The following MEX3C variants were observed in gnomAD, a reference collection of about 807,000 sequenced individuals.
The protein encoded by MEX3C is RNA-binding E3 ubiquitin-protein ligase MEX3C.
Under a neutral mutation model 35.5 loss-of-function variants are expected in MEX3C, and 15 were observed. The ratio of observed to expected loss-of-function variants is 0.42; its 90% CI spans 0.28 to 0.65. The LOEUF is 0.65. MEX3C is among the 30% of genes least tolerant of loss of function. The probability of loss-of-function intolerance (pLI) is 0.20; values close to 1 mark genes in which losing one functional copy is unlikely to be tolerated. For synonymous variants in MEX3C, 390 were observed against 352.8 expected, an observed-to-expected ratio of 1.11 and a Z score of -1.18; for missense variants, 711 against 842.8, an observed-to-expected ratio of 0.84 and a Z score of 1.94.
intron 1 of MEX3C, among the ~76,000 whole-genome samples, chr18:51,185,722 T>G (rs1056634081): frequency 1.3e-5 from 2 of 152,044 alleles, no homozygotes; most frequent in African/African-American, 4.8e-5. Context: ...CAGGAAAGGT[T>G]TGAGGAATCA....
chr18:51,193,214 G>A (rs1912692781), intron 1 of MEX3C: 1 of 152,120 alleles, frequency 6.6e-6, no homozygotes, highest in East Asian at 1.9e-4. Flanking sequence ...TGGACAGGGT[G>A]TACAATAAAA....
At chr18:51,180,477 GT>G (rs934392034) in intron 1 of MEX3C, among the ~76,000 whole-genome samples, 5 of 151,034 alleles carry the variant, frequency 3.3e-5, no homozygotes, top group African/African-American at 7.3e-5. Context: ...GCCAACCCTG[GT>G]TTTTTTTTGT....
intron 1 of MEX3C, chr18:51,193,028 T>C (rs1366362001): frequency 6.6e-6 from 1 of 152,184 alleles, no homozygotes; most frequent in Non-Finnish European, 1.5e-5. Flanking sequence ...TAAACCCTAT[T>C]TCAGTTGTGT....
chr18:51,176,288 A>G lies in MEX3C; in HGVS notation c.*63T>C, dbSNP rs1312231488. ...ATCATTAGGAAGTTTACTGGGGGGT[A>G]CCATTATACCCATGCCTTTACGAGT... On this transcript the variant is annotated 3_prime_UTR_variant, in exon 2 of 2. Coordinates refer to ENST00000406189, the MANE Select transcript of MEX3C (RefSeq NM_016626.5). 1 of 1,400,972 alleles carries G rather than the reference A, an allele frequency of 7.1e-7. No homozygotes were observed. The highest frequency in any genetic ancestry group is 2.5e-5 in the East Asian group (1 of 39,844). 86.8% of individuals were successfully genotyped at this position (1,400,972 alleles called of 1,614,324 possible).
chr18:51,177,013 A>C lies in MEX3C; in HGVS notation c.1318T>G (p.Ser440Ala), dbSNP rs774801532. 6.2e-7 allele frequency: 1 copy of C among 1,613,870 alleles called. No individual in the cohort carries two copies. Among genetic ancestry groups the C allele is most frequent in the South Asian group, 1.1e-5 (1 of 91,086 alleles). The stretch of plus-strand genomic sequence containing the variant: ...CTGGAACTATCATTTCGATAATTGG[A>C]TATCATTCTTGCGCGGCTAGGAGGA... ...PVPPSRARMI[S>A]NYRNDSSSSL... is the part of the protein sequence containing the mutation. The change falls in exon 2 of 2, where the codon TCC (serine) becomes GCC (alanine). Residue 440 changes from serine to alanine, a missense_variant. Ser to Ala is a moderately conservative substitution (Grantham distance 99). Transcript: ENST00000406189. This position sits in a 1 kb window ranked among gnomAD's most constrained non-coding sequence, Gnocchi z 4.2.
At chr18:51,181,085 T>A (rs917042706) in intron 1 of MEX3C, among the ~76,000 whole-genome samples, 1 of 152,178 alleles carries the variant, frequency 6.6e-6, no homozygotes, top group South Asian at 2.1e-4. Context: ...TTAGCTTTTT[T>A]GAGTACTTTG....
intron 1 of MEX3C, among the ~76,000 whole-genome samples, chr18:51,183,204 A>C (rs988831596): frequency 6.6e-6 from 1 of 152,186 alleles, no homozygotes; most frequent in Admixed American, 6.5e-5. Flanking sequence ...AAAACCCATT[A>C]TTTATTTTCT....
intron 1 of MEX3C, among the ~76,000 whole-genome samples, chr18:51,181,803 A>AT (rs925390072): frequency 9.2e-5 from 14 of 152,036 alleles, no homozygotes; most frequent in African/African-American, 2.7e-4. Flanking sequence ...ATTCTTATTT[A>AT]TTTTTTTTAA....
intron 1 of MEX3C, among the ~76,000 whole-genome samples, chr18:51,179,999 T>C (rs534620492): frequency 2.0e-5 from 3 of 148,754 alleles, no homozygotes; most frequent in South Asian, 4.4e-4. Context: ...ACTGGGCAAA[T>C]TGCATTAAGG....
intron 1 of MEX3C, among the ~76,000 whole-genome samples, chr18:51,179,285 A>C (rs536460998): frequency 2.7e-4 from 41 of 152,182 alleles, no homozygotes; most frequent in African/African-American, 9.6e-4. Flanking sequence ...TACAGGCGGG[A>C]GCCACCGCAC....
intron 1 of MEX3C, chr18:51,193,727 C>T (rs1258064630): frequency 1.3e-5 from 2 of 152,154 alleles, no homozygotes; most frequent in African/African-American, 4.8e-5. Flanking sequence ...TTACAAATGA[C>T]CATATGCTAC....
chr18:51,188,882 A>C (rs1007437796), intron 1 of MEX3C, among the ~76,000 whole-genome samples: 1 of 152,180 alleles, frequency 6.6e-6, no homozygotes, highest in Non-Finnish European at 1.5e-5. Context: ...ACACATAGTG[A>C]CCTATTTTCT....
chr18:51,182,367 A>G (rs2144550952), intron 1 of MEX3C, among the ~76,000 whole-genome samples: 1 of 152,332 alleles, frequency 6.6e-6, no homozygotes, highest in Non-Finnish European at 1.5e-5. Flanking sequence ...TTTGAAATTT[A>G]AAAATGTGAG....
Position 51,196,793 on chromosome 18 carries a change from C to T in MEX3C, c.528G>A (p.Glu176=). The change falls in exon 1 of 2, where the codon GAG becomes GAA. Residue 176 remains glutamate (E), a synonymous_variant. Transcript: ENST00000406189. ...CCGCCGCCGCCGCCGCGGCCGCCGC[C>T]TCCCGGGCATCGAACCTGGCGGCTG... The part of the protein sequence containing the change: ...LLPAARFDAR[E]AAAAAAAAGV... The T allele has an allele frequency of 1.3e-6, 2 of 1,529,354 alleles. No individual in the cohort carries two copies. The highest frequency in any genetic ancestry group is 8.7e-7 in the Non-Finnish European group (1 of 1,143,804). The allele number at this position is 1,529,354 out of a possible 1,614,324, so 94.7% of individuals were successfully genotyped here.
chr18:51,185,525 G>A (rs1027997720), intron 1 of MEX3C, among the ~76,000 whole-genome samples: 10 of 152,206 alleles, frequency 6.6e-5, no homozygotes, highest in African/African-American at 1.9e-4. Flanking sequence ...CAAATGAGGT[G>A]ACATATTCAG....
intron 1 of MEX3C, chr18:51,193,140 T>C (rs1912689236): frequency 6.6e-6 from 1 of 152,204 alleles, no homozygotes; most frequent in Non-Finnish European, 1.5e-5. Flanking sequence ...TAATGTGTAA[T>C]ATATTAAGCA....
chr18:51,176,831 G>C lies in MEX3C; in HGVS notation c.1500C>G (p.Asp500Glu). ...TAGTTTGAGCAGATGTTGGTAAAGA[G>C]TCAAAGGCAGGAGAGTCAACTGCTA... ...EDLAVDSPAF[D>E]SLPTSAQTIW... The change falls in exon 2 of 2, where the codon GAC (aspartate) becomes GAG (glutamate). Residue 500 changes from aspartate to glutamate, a missense_variant. Coordinates refer to ENST00000406189, the MANE Select transcript of MEX3C (RefSeq NM_016626.5). 6.2e-7 allele frequency: 1 copy of C among 1,614,006 alleles called. No individual in the cohort carries two copies. The highest frequency in any genetic ancestry group is 8.5e-7 in the Non-Finnish European group (1 of 1,179,882).
At chr18:51,193,921 G>C (rs983978611) in intron 1 of MEX3C, 6 of 152,168 alleles carry the variant, frequency 3.9e-5, no homozygotes, top group Admixed American at 1.3e-4. Flanking sequence ...GTCTCCATCT[G>C]TGACATAATT....
intron 1 of MEX3C, among the ~76,000 whole-genome samples, chr18:51,180,438 A>T (rs760169665): frequency 3.0e-4 from 46 of 152,140 alleles, no homozygotes; most frequent in Admixed American, 5.2e-4. Context: ...TTTGCAGATC[A>T]GGGAAAAAAG....
Sources: gnomAD v4.1 joint callset for allele counts (sites outside exome capture counted in the v4.1 genomes callset) on GRCh38, gnomAD v4.1.1 for gene constraint, Gnocchi (gnomAD v3.1) non-coding constraint, MANE v1.5 for transcripts, NCBI Gene and HGNC (gene_info 2026-07-23, HGNC 2026-07-21) for gene names.